The following MARCHF1 variants were observed in gnomAD, a reference collection of about 807,000 sequenced individuals.
MARCHF1 encodes membrane associated ring-CH-type finger 1.
A neutral mutation model predicts 54.2 loss-of-function variants in MARCHF1; 40 were observed. The observed-to-expected ratio is 0.74, with a 90% CI of 0.57 to 0.96. The LOEUF is 0.96. Among genes scored for constraint, MARCHF1 ranks in the 40% least tolerant of loss-of-function variants. MARCHF1 has a pLI of 0.00. For missense variants in MARCHF1, 586 were observed against 656.5 expected, an observed-to-expected ratio of 0.89 and a Z score of 1.17; for synonymous variants, 236 against 236.3, an observed-to-expected ratio of 1.00 and a Z score of 0.01.
chr4:163,684,378 A>G (rs967633840), intron 5 of MARCHF1, among the ~76,000 whole-genome samples: 1 of 152,198 alleles, frequency 6.6e-6, no homozygotes, highest in Non-Finnish European at 1.5e-5. Flanking sequence ...CAAGAAAAGA[A>G]AAAAACAAAA....
chr4:163,546,046 G>T (rs960156028), intron 8 of MARCHF1, among the ~76,000 whole-genome samples: 3 of 151,658 alleles, frequency 2.0e-5, no homozygotes, highest in South Asian at 4.2e-4. Context: ...ACAATCTCAG[G>T]TCACTGCAAC....
chr4:164,126,906 T>C (rs1756194743), intron 1 of MARCHF1, among the ~76,000 whole-genome samples: 1 of 152,016 alleles, frequency 6.6e-6, no homozygotes, highest in African/African-American at 2.4e-5. Context: ...ATACAAAAAT[T>C]AGCCCACCAT....
intron 8 of MARCHF1, among the ~76,000 whole-genome samples, chr4:163,560,220 G>A (rs1471620853): frequency 2.0e-5 from 3 of 152,074 alleles, no homozygotes; most frequent in African/African-American, 7.2e-5. Flanking sequence ...TATATTTATA[G>A]GATACATTTT....
At chr4:164,010,784 C>T (rs756059425) in intron 2 of MARCHF1, among the ~76,000 whole-genome samples, 5 of 152,118 alleles carry the variant, frequency 3.3e-5, no homozygotes, top group Non-Finnish European at 7.4e-5. Flanking sequence ...TTATATCAAG[C>T]ACAAAAGACA....
chr4:163,818,520 G>A (rs938312392), intron 4 of MARCHF1, among the ~76,000 whole-genome samples: 3 of 152,030 alleles, frequency 2.0e-5, no homozygotes, highest in African/African-American at 7.2e-5. Flanking sequence ...ATTGTGGTTA[G>A]ATAATTCTTT....
intron 9 of MARCHF1, among the ~76,000 whole-genome samples, chr4:163,539,838 C>T (rs1418508655): frequency 2.0e-5 from 3 of 152,222 alleles, no homozygotes; most frequent in African/African-American, 4.8e-5. Context: ...GCCAACCTTT[C>T]AGACCACAGT....
chr4:163,541,541 C>T (rs1482998003), intron 9 of MARCHF1, among the ~76,000 whole-genome samples: 2 of 151,846 alleles, frequency 1.3e-5, no homozygotes, highest in Non-Finnish European at 2.9e-5. Flanking sequence ...TTCCTGTCAT[C>T]GCAGGGGAAA....
chr4:163,893,158 G>C (rs948630550), intron 3 of MARCHF1, among the ~76,000 whole-genome samples: 1 of 149,650 alleles, frequency 6.7e-6, no homozygotes, highest in Non-Finnish European at 1.5e-5. Flanking sequence ...ATTTTTTTTT[G>C]AGATGGAGTC....
chr4:164,095,950 C>T (rs879375499), intron 2 of MARCHF1, among the ~76,000 whole-genome samples: 7 of 152,130 alleles, frequency 4.6e-5, no homozygotes, highest in Non-Finnish European at 1.0e-4. Flanking sequence ...AAGGGGAACG[C>T]TCATGCAGTG....
At chr4:163,993,575 G>A (rs1289943530) in intron 2 of MARCHF1, among the ~76,000 whole-genome samples, 4 of 152,050 alleles carry the variant, frequency 2.6e-5, no homozygotes, top group Non-Finnish European at 5.9e-5. Flanking sequence ...CAGTCTGTTG[G>A]AGAATCAATA....
chr4:163,908,720 G>C (rs1302866419), intron 3 of MARCHF1, among the ~76,000 whole-genome samples: 1 of 152,058 alleles, frequency 6.6e-6, no homozygotes, highest in Admixed American at 6.6e-5. Context: ...GAGGACTAAT[G>C]GTGGCCCCAG....
chr4:164,067,773 A>G (rs140946791), intron 2 of MARCHF1, among the ~76,000 whole-genome samples: 2 of 152,276 alleles, frequency 1.3e-5, no homozygotes, highest in African/African-American at 4.8e-5. Flanking sequence ...CAATGAAACT[A>G]TCAATAGACA....
At chr4:163,933,049 A>C in intron 3 of MARCHF1, 1 of 1,479,500 alleles carries the variant, frequency 6.8e-7, no homozygotes, top group Middle Eastern at 1.8e-4. Context: ...TCTGTATTTT[A>C]CTATGAGATT....
At chr4:163,747,732 ATTAG>A (rs756021309) in intron 4 of MARCHF1, among the ~76,000 whole-genome samples, 50 of 152,360 alleles carry the variant, frequency 3.3e-4, no homozygotes, top group African/African-American at 6.7e-4. Flanking sequence ...TGATAAGAGA[ATTAG>A]TTAGCTGAAA....
At chr4:163,765,891 A>G (rs918269150) in intron 4 of MARCHF1, among the ~76,000 whole-genome samples, 9 of 147,904 alleles carry the variant, frequency 6.1e-5, no homozygotes, top group African/African-American at 2.0e-4. Flanking sequence ...ATACATATAT[A>G]ATACATATAA....
intron 5 of MARCHF1, among the ~76,000 whole-genome samples, chr4:163,696,427 T>C (rs1318768269): frequency 1.3e-5 from 2 of 152,174 alleles, no homozygotes; most frequent in African/African-American, 4.8e-5. Flanking sequence ...AGGACCTTGA[T>C]GGGTTCTAGA....
chr4:164,354,246 C>G (rs1285353806), intron 1 of MARCHF1, among the ~76,000 whole-genome samples: 1 of 127,096 alleles, frequency 7.9e-6, no homozygotes, highest in African/African-American at 2.8e-5. Flanking sequence ...AGAGGGAACC[C>G]TCCCTAACTC....
intron 3 of MARCHF1, among the ~76,000 whole-genome samples, chr4:163,959,679 G>T (rs1752306825): frequency 6.6e-6 from 1 of 151,930 alleles, no homozygotes; most frequent in Non-Finnish European, 1.5e-5. Flanking sequence ...AGAGATTATG[G>T]ACTTAAATGT....
intron 3 of MARCHF1, among the ~76,000 whole-genome samples, chr4:163,873,891 C>G (rs991060815): frequency 6.6e-6 from 1 of 152,076 alleles, no homozygotes; most frequent in Non-Finnish European, 1.5e-5. Flanking sequence ...GGAATCGTAC[C>G]CCTAAGAAAA....
Sources: allele counts gnomAD v4.1 joint callset (sites outside exome capture counted in the v4.1 genomes callset), GRCh38; gene constraint gnomAD v4.1.1; transcripts MANE v1.5; gene names NCBI Gene and HGNC (gene_info 2026-07-23, HGNC 2026-07-21).